The following TIMM23B variants were observed in gnomAD, a reference collection of about 807,000 sequenced individuals.
TIMM23B encodes mitochondrial import inner membrane translocase subunit Tim23B.
A neutral mutation model predicts 27.3 loss-of-function variants in TIMM23B; 27 were observed. The observed-to-expected ratio is 0.99, with a 90% CI of 0.73 to 1.36. TIMM23B has a LOEUF of 1.36. Ranked by LOEUF, TIMM23B falls within the 40% of genes most tolerant of loss-of-function variation. The pLI is 0.00. For synonymous variants in TIMM23B, 73 were observed against 92.4 expected (o/e 0.79, Z 1.21); for missense variants, 205 against 244.2 (o/e 0.84, Z 1.07).
chr10:49,962,188 C>T (rs1839939536), intron 6 of TIMM23B, among the ~76,000 whole-genome samples: 2 of 150,690 alleles, frequency 1.3e-5, no homozygotes, highest in South Asian at 2.1e-4. Context: ...CAATCAAAAT[C>T]CAATTAAGCT....
Position 49,942,311 on chromosome 10 carries a change from G to A in TIMM23B, c.106+11G>A. ...TGGCTGGCGTCCCGCGTAAGTATGGGGCCTAGCTTGCGATTATTTCTGACT... is the reference window on the plus strand; with the variant it reads ...TGGCTGGCGTCCCGCGTAAGTATGGAGCCTAGCTTGCGATTATTTCTGACT... On this transcript the variant is annotated intron_variant, in intron 1 of 6. Coordinates refer to ENST00000651259, the MANE Select transcript of TIMM23B (RefSeq NM_001290117.2). The A allele has an allele frequency of 1.2e-6, 2 of 1,603,962 alleles. No homozygotes were observed. The highest frequency in any genetic ancestry group is 3.4e-5 in the Admixed American group (2 of 59,100).
rs376096259 is a variant in TIMM23B at position 49,971,268 on chromosome 10, A to G, written c.515-1744A>G. ...TTTATCTGCTGACCTTCCCTCCACT[A>G]TTGTCCTATGACCCTGCCAAATCCC... is the stretch of plus-strand genomic sequence containing the variant. On this transcript the variant is annotated intron_variant, in intron 6 of 6. Coordinates refer to ENST00000651259, the MANE Select transcript of TIMM23B (RefSeq NM_001290117.2). Among the ~76,000 whole-genome samples the G allele has an allele frequency of 9.6e-4, 144 of 150,440 alleles. 2 individuals carry two copies. The East Asian group carries it at 0.026, about 27-fold the overall frequency.
intron 1 of TIMM23B, chr10:49,943,168 C>T (rs1427734702): frequency 6.6e-6 from 1 of 151,966 alleles, no homozygotes; most frequent in African/African-American, 2.4e-5. Flanking sequence ...CCTGGTGTCA[C>T]CTTTGTCAAA....
chr10:49,970,177 C>G (rs1589053501), intron 6 of TIMM23B: 1 of 154,540 alleles, frequency 6.5e-6, no homozygotes, highest in East Asian at 1.9e-4. Context: ...CTTGGCCTCC[C>G]AAAGTGCCGA....
intron 2 of TIMM23B, among the ~76,000 whole-genome samples, chr10:49,950,193 GTTTTT>G (rs1289732987): frequency 3.0e-3 from 413 of 135,538 alleles, no homozygotes; most frequent in East Asian, 0.014. Flanking sequence ...AATTAAAAAA[GTTTTT>G]TCTTTTTTTT....
intron 1 of TIMM23B, among the ~76,000 whole-genome samples, 189 bp from the exon 2 acceptor site, chr10:49,944,843 G>A (rs1839305645): frequency 6.6e-6 from 1 of 152,180 alleles, no homozygotes; most frequent in African/African-American, 2.4e-5. Flanking sequence ...GACCTGGTTT[G>A]GGATTGAGGG....
At chr10:49,946,798 A>G (rs1370207096) in intron 2 of TIMM23B, among the ~76,000 whole-genome samples, 1 of 149,628 alleles carries the variant, frequency 6.7e-6, no homozygotes, top group Non-Finnish European at 1.5e-5. Flanking sequence ...TTTTGCAGAA[A>G]TTGACAAGCT....
At chr10:49,966,459 A>G (rs1208544680) in intron 6 of TIMM23B, among the ~76,000 whole-genome samples, 2 of 152,206 alleles carry the variant, frequency 1.3e-5, no homozygotes, top group Non-Finnish European at 2.9e-5. Flanking sequence ...TGAAATGAAT[A>G]ATGAAATGTC....
chr10:49,952,255 G>T, intron 3 of TIMM23B, 36 bp downstream of exon 3: 1 of 1,568,286 alleles, frequency 6.4e-7, no homozygotes, highest in Non-Finnish European at 8.8e-7. Flanking sequence ...AGAGTGCTCA[G>T]TTCAAGTAGT....
At chr10:49,970,989 ATTC>A (rs1233608882) in intron 6 of TIMM23B, among the ~76,000 whole-genome samples, 1 of 152,212 alleles carries the variant, frequency 6.6e-6, no homozygotes, top group Non-Finnish European at 1.5e-5. Flanking sequence ...ACTAAGAAAA[ATTC>A]TTCTGCCTTG....
intron 4 of TIMM23B, 80 bp downstream of exon 4, chr10:49,952,613 A>C: frequency 6.7e-7 from 1 of 1,498,394 alleles, no homozygotes; most frequent in Non-Finnish European, 9.1e-7. Context: ...TACAACCTTG[A>C]GATTACAGAT....
intron 5 of TIMM23B, among the ~76,000 whole-genome samples, chr10:49,955,375 G>C (rs1167267774): frequency 6.6e-6 from 1 of 152,160 alleles, no homozygotes; most frequent in Admixed American, 6.5e-5. Context: ...CCAAAGTAAA[G>C]AGCTTTGTAT....
intron 1 of TIMM23B, among the ~76,000 whole-genome samples, chr10:49,942,934 G>A (rs1382694210): frequency 2.0e-5 from 3 of 152,132 alleles, no homozygotes; most frequent in Non-Finnish European, 4.4e-5. Flanking sequence ...TTGTGAATAT[G>A]TTTTCCAGAA....
In TIMM23B at chr10:49,968,314, A is replaced by C. The variant is rs1840258463; in HGVS notation, c.515-4698A>C. On this transcript the variant is annotated intron_variant, in intron 6 of 6. Coordinates refer to ENST00000651259, the MANE Select transcript of TIMM23B (RefSeq NM_001290117.2). ...TATTTTCAATAGAAAAAAGCCTCTTACTCTCAGATAGCTCAGAAAAACTTA... is the reference window on the plus strand; with the variant it reads ...TATTTTCAATAGAAAAAAGCCTCTTCCTCTCAGATAGCTCAGAAAAACTTA... Among the ~76,000 whole-genome samples the C allele has an allele frequency of 3.3e-5, 5 of 152,350 alleles. No homozygotes were observed. In the South Asian group the frequency reaches 1.0e-3, roughly 32 times the overall value.
chr10:49,943,725 T>G, intron 1 of TIMM23B, among the ~76,000 whole-genome samples: 1 of 147,558 alleles, frequency 6.8e-6, no homozygotes, highest in Non-Finnish European at 1.5e-5. Flanking sequence ...AGGACTATAG[T>G]GGTTTTTGTG....
At chr10:49,971,040 G>A (rs550571643) in intron 6 of TIMM23B, among the ~76,000 whole-genome samples, 1 of 152,278 alleles carries the variant, frequency 6.6e-6, no homozygotes, top group Admixed American at 6.5e-5. Flanking sequence ...CCAACCCGGT[G>A]CTCTCTGAAA....
intron 1 of TIMM23B, among the ~76,000 whole-genome samples, chr10:49,944,378 G>A (rs1479583849): frequency 6.6e-6 from 1 of 152,090 alleles, no homozygotes; most frequent in Admixed American, 6.5e-5. Context: ...AGGCATGGGT[G>A]ATGCATAGGT....
chr10:49,955,775 G>A (rs1839696836), intron 5 of TIMM23B, among the ~76,000 whole-genome samples: 1 of 152,202 alleles, frequency 6.6e-6, no homozygotes, highest in Non-Finnish European at 1.5e-5. Flanking sequence ...AAAAGCGTTT[G>A]TTATGGCAGA....
At chr10:49,971,306 A>C (rs2132071773) in intron 6 of TIMM23B, among the ~76,000 whole-genome samples, 1 of 151,774 alleles carries the variant, frequency 6.6e-6, no homozygotes, top group South Asian at 2.1e-4. Flanking sequence ...TCTCCGAGAA[A>C]CACCCAAGAA....
Sources: gnomAD v4.1 joint callset for allele counts (sites outside exome capture counted in the v4.1 genomes callset) on GRCh38, gnomAD v4.1.1 for gene constraint, MANE v1.5 for transcripts, NCBI Gene and HGNC (gene_info 2026-07-23, HGNC 2026-07-21) for gene names.